The following SCYL3 variants were observed in gnomAD, a reference collection of about 807,000 sequenced individuals.
SCYL3 encodes the protein SCY1 like pseudokinase 3, also known as protein-associating with the carboxyl-terminal domain of ezrin.
SCYL3 carries 35 observed loss-of-function variants against 73.8 expected under a neutral mutation model. The observed-to-expected ratio is 0.47, with a 90% CI of 0.36 to 0.63. The LOEUF (loss-of-function observed/expected upper bound fraction) is 0.63. SCYL3 is among the 20% of genes least tolerant of loss of function. The pLI is 0.00. For synonymous variants in SCYL3, 277 were observed against 295.2 expected, an observed-to-expected ratio of 0.94 and a Z score of 0.63; for missense variants, 712 against 798.9, an observed-to-expected ratio of 0.89 and a Z score of 1.31.
intron 6 of SCYL3, 31 bp from the exon 7 acceptor site, chr1:169,869,070 T>A (rs774670703): frequency 4.5e-6 from 7 of 1,561,042 alleles, no homozygotes; most frequent in Middle Eastern, 1.7e-4. Context: ...TAGTTTCCAA[T>A]GCCTTCTCCC....
chr1:169,876,194 A>G (rs1459334489), intron 3 of SCYL3, 103 bp from the exon 4 acceptor site: 2 of 629,108 alleles, frequency 3.2e-6, no homozygotes, highest in African/African-American at 3.8e-5. Flanking sequence ...CTTTATTTTA[A>G]AAAACTAAAT....
At chr1:169,888,950 G>T in intron 1 of SCYL3, 60 bp from the exon 2 acceptor site, 1 of 985,928 alleles carries the variant, frequency 1.0e-6, no homozygotes, top group Non-Finnish European at 1.4e-6. Context: ...ATCAACAAGA[G>T]ATATCCAGAC....
chr1:169,852,115 AC>A lies in SCYL3; in HGVS notation c.*1597del. The A allele has an allele frequency of 1.4e-6, 1 of 734,478 alleles. No individual in the cohort carries two copies. The highest frequency in any genetic ancestry group is 2.3e-6 in the Non-Finnish European group (1 of 443,082). The allele number at this position is 734,478 out of a possible 1,614,324, so 45.5% of individuals were successfully genotyped here. On this transcript the variant is annotated 3_prime_UTR_variant, in exon 13 of 13. Transcript: ENST00000367771. ...TTTTAAAATTAAGAAGTGGGACTAC[AC>A]CATATCAAATATATTCTTTCAGTAT...
intron 4 of SCYL3, among the ~76,000 whole-genome samples, chr1:169,874,640 G>A (rs530599303): frequency 1.3e-5 from 2 of 152,172 alleles, no homozygotes; most frequent in African/African-American, 4.8e-5. Context: ...GAACTCTTGA[G>A]TGAGGCCAGG....
chr1:169,890,807 C>T (rs1043190294), intron 1 of SCYL3, among the ~76,000 whole-genome samples: 7 of 152,154 alleles, frequency 4.6e-5, no homozygotes, highest in African/African-American at 1.4e-4. Flanking sequence ...AAAGAAATGC[C>T]AAGTATGGCA....
intron 9 of SCYL3, among the ~76,000 whole-genome samples, chr1:169,863,171 A>T (rs761178850): frequency 7.2e-5 from 11 of 152,154 alleles, no homozygotes; most frequent in Non-Finnish European, 1.6e-4. Context: ...TCGGTGTCCC[A>T]AAGTGCTGGG....
At position 169,852,825 on chromosome 1, in the gene SCYL3, G is replaced by GGAA. The variant is rs763198990; in HGVS notation, c.*885_*887dup. The GGAA allele has an allele frequency of 4.3e-6, 7 of 1,614,066 alleles. No homozygotes were observed. In the African/African-American group the frequency reaches 6.7e-5, roughly 15 times the overall value. On this transcript the variant is annotated 3_prime_UTR_variant, in exon 13 of 13. Coordinates refer to ENST00000367771, the MANE Select transcript of SCYL3 (RefSeq NM_020423.7). Reference sequence around the variant, plus strand: ...AAAGAGCTCGTCAGGAGTTCCCCTGGGAAGAAGAGTACAGGTCAGCGCTGC... The same window carrying GGAA: ...AAAGAGCTCGTCAGGAGTTCCCCTGGGAAGAAGAAGAGTACAGGTCAGCGCTGC...
In SCYL3 at chr1:169,853,104, CTTTA is replaced by C. The variant is rs575466583; in HGVS notation, c.*605_*608del. The C allele has an allele frequency of 2.2e-6, 2 of 926,760 alleles. No individual in the cohort carries two copies. Among genetic ancestry groups the C allele is most frequent in the Non-Finnish European group, 3.3e-6 (2 of 607,938 alleles). 57.4% of individuals were successfully genotyped at this position (926,760 alleles called of 1,614,324 possible). A position where few individuals can be genotyped will look rare whatever the true frequency, so the allele number is the denominator to read the frequency against. Reference sequence around the variant, plus strand: ...TAAAGTTGAATCTAGTGAAAATAATCTTTATTTGACATTTAGAGAACAGGATTGT... The same window carrying C: ...TAAAGTTGAATCTAGTGAAAATAATCTTTGACATTTAGAGAACAGGATTGT... On this transcript the variant is annotated 3_prime_UTR_variant, in exon 13 of 13. Coordinates refer to ENST00000367771, the MANE Select transcript of SCYL3 (RefSeq NM_020423.7).
At chr1:169,876,199 CTAAA>C in intron 3 of SCYL3, 108 bp from the exon 4 acceptor site, 1 of 576,336 alleles carries the variant, frequency 1.7e-6, no homozygotes, top group South Asian at 3.6e-5. Context: ...TTTTAAAAAA[CTAAA>C]TACTAATCAC....
intron 11 of SCYL3, chr1:169,855,847 T>G: frequency 6.2e-7 from 1 of 1,613,972 alleles, no homozygotes; most frequent in Non-Finnish European, 8.5e-7. Context: ...TTCTTGCTGT[T>G]GATGGGCGTG....
At chr1:169,861,515 C>A (rs1360065421) in intron 10 of SCYL3, among the ~76,000 whole-genome samples, 1 of 152,138 alleles carries the variant, frequency 6.6e-6, no homozygotes, top group African/African-American at 2.4e-5. Flanking sequence ...TTGTCGGGCC[C>A]CAGATGACTG....
rs374318125 is a variant in SCYL3 at position 169,872,829 on chromosome 1, A to G, written c.522+867T>C. On this transcript the variant is annotated intron_variant, in intron 5 of 12. Coordinates refer to ENST00000367771, the MANE Select transcript of SCYL3 (RefSeq NM_020423.7). The stretch of plus-strand genomic sequence containing the variant: ...TTGCCTGTAGCCCCTTTGTTTAGCT[A>G]ATTTCTCCCATTTGGAATGGCCGTA... Among the ~76,000 whole-genome samples the G allele has an allele frequency of 4.7e-4, 71 of 152,218 alleles. No individual in the cohort carries two copies. In the South Asian group the frequency reaches 0.014, roughly 30 times the overall value.
intron 11 of SCYL3, chr1:169,855,703 G>A: frequency 1.7e-6 from 2 of 1,168,418 alleles, no homozygotes; most frequent in Non-Finnish European, 1.2e-6. Context: ...AAATAAATCA[G>A]TCTCAAAACT....
At chr1:169,871,695 T>C (rs1277154548) in intron 5 of SCYL3, among the ~76,000 whole-genome samples, 2 of 152,144 alleles carry the variant, frequency 1.3e-5, no homozygotes, top group African/African-American at 4.8e-5. Context: ...TTGACAAAAA[T>C]GCTGCTAGTG....
At chr1:169,885,297 C>A (rs1212321527) in intron 2 of SCYL3, among the ~76,000 whole-genome samples, 2 of 152,178 alleles carry the variant, frequency 1.3e-5, no homozygotes, top group African/African-American at 4.8e-5. Context: ...TCCCCTTTAT[C>A]AGGAATCAGT....
At chr1:169,880,141 C>G (rs574945213) in intron 2 of SCYL3, among the ~76,000 whole-genome samples, 2 of 151,666 alleles carry the variant, frequency 1.3e-5, no homozygotes, top group African/African-American at 4.8e-5. Context: ...GAGACCAGAG[C>G]CTCAGACACC....
In SCYL3 at chr1:169,859,136, A is replaced by G; in HGVS notation, c.1217T>C (p.Leu406Pro). ...TCCCACAACCACCTCTGGTCCAAGC[A>G]GAGAGACCAGCACTGCTAGGCTATG... ...TLHSLAVLVS[L>P]LGPEVVVGGE... is the part of the protein sequence containing the mutation. The change falls in exon 11 of 13, where the codon CTG (leucine) becomes CCG (proline). Residue 406 changes from leucine (L) to proline (P), a missense_variant. Transcript: ENST00000367771. The G allele has an allele frequency of 6.2e-7, 1 of 1,614,090 alleles. No homozygotes were observed. The highest frequency in any genetic ancestry group is 8.5e-7 in the Non-Finnish European group (1 of 1,179,990).
At chr1:169,892,947 T>A (rs888294324) in intron 1 of SCYL3, among the ~76,000 whole-genome samples, 2 of 152,212 alleles carry the variant, frequency 1.3e-5, no homozygotes, top group Non-Finnish European at 2.9e-5. Context: ...TGCACTGTAC[T>A]GGCTGATATT....
chr1:169,876,118 G>T, intron 3 of SCYL3, 27 bp from the exon 4 acceptor site: 2 of 1,312,864 alleles, frequency 1.5e-6, no homozygotes, highest in African/African-American at 1.5e-5. Flanking sequence ...ACAGAAGGAA[G>T]AGTGCCACTC....
Sources: allele counts gnomAD v4.1 joint callset (sites outside exome capture counted in the v4.1 genomes callset), GRCh38; gene constraint gnomAD v4.1.1; transcripts MANE v1.5; gene names NCBI Gene and HGNC (gene_info 2026-07-23, HGNC 2026-07-21).